STK35: variants seen among roughly 807,000 people sequenced by gnomAD.
STK35 encodes the protein serine/threonine kinase 35, also known as serine/threonine-protein kinase 35.
STK35 carries 17 observed loss-of-function variants against 37.3 expected under a neutral mutation model. The observed-to-expected ratio is 0.46, with a 90% confidence interval of 0.31 to 0.68. The LOEUF (loss-of-function observed/expected upper bound fraction) is 0.68. Among genes scored for constraint, STK35 ranks in the 30% least tolerant of loss-of-function variants. STK35 has a pLI of 0.05. For synonymous variants in STK35, 385 were observed against 319.1 expected, an observed-to-expected ratio of 1.21 and a Z score of -2.20; for missense variants, 595 against 746.7, an observed-to-expected ratio of 0.80 and a Z score of 2.37.
chr20:2,115,851 G>C (rs1248532514), intron 2 of STK35, among the ~76,000 whole-genome samples: 1 of 151,972 alleles, frequency 6.6e-6, no homozygotes, highest in Non-Finnish European at 1.5e-5. Flanking sequence ...TACAGGGTAA[G>C]TTCAGTCCTG....
chr20:2,118,062 C>T (rs1311871982), intron 3 of STK35, among the ~76,000 whole-genome samples: 1 of 152,136 alleles, frequency 6.6e-6, no homozygotes, highest in Non-Finnish European at 1.5e-5. Flanking sequence ...TAAACACTAT[C>T]TCTGATTGTA....
Position 2,144,428 on chromosome 20 carries a change from A to C in STK35, c.*682A>C. ...GGCCAGGAGAACTAAGAAGGTCTCA[A>C]CTCCAGGCTTTGTTGTGTTTAAGCT... On this transcript the variant is annotated 3_prime_UTR_variant, in exon 4 of 4. Coordinates refer to ENST00000381482, the MANE Select transcript of STK35 (RefSeq NM_080836.4). The C allele has an allele frequency of 6.4e-6, 1 of 157,064 alleles. No individual in the cohort carries two copies. The highest frequency in any genetic ancestry group is 1.4e-5 in the Non-Finnish European group (1 of 70,766). The allele number at this position is 157,064 out of a possible 1,614,324, so 9.7% of individuals were successfully genotyped here.
intron 2 of STK35, among the ~76,000 whole-genome samples, chr20:2,105,987 G>A (rs1431953607): frequency 2.0e-5 from 3 of 152,140 alleles, no homozygotes. Context: ...GAACCTCTAC[G>A]GTGTTCAGGG....
At chr20:2,111,831 C>T (rs991037941) in intron 2 of STK35, among the ~76,000 whole-genome samples, 15 of 152,340 alleles carry the variant, frequency 9.8e-5, no homozygotes, top group African/African-American at 3.4e-4. Context: ...ATCCAGACTA[C>T]TCGTGTCCCT....
Position 2,116,901 on chromosome 20 carries a change from C to T in STK35, c.1128C>T (p.Ile376=), listed in dbSNP as rs1440272706. 9.9e-6 allele frequency: 16 copies of T among 1,614,166 alleles called. No homozygotes were observed. The highest frequency in any genetic ancestry group is 1.6e-4 in the Middle Eastern group (1 of 6,062). Residue 376 remains isoleucine, a synonymous_variant, in exon 3 of 4, where the codon ATC becomes ATT. Coordinates refer to ENST00000381482, the MANE Select transcript of STK35 (RefSeq NM_080836.4). ...ILITERSGTP[I]LKVADFGLSK... is the part of the protein sequence containing the mutation. ...TCACAGAGCGGTCTGGCACCCCCAT[C>T]CTCAAAGTGGCCGACTTTGGACTAA... is the stretch of plus-strand genomic sequence containing the variant.
intron 3 of STK35, among the ~76,000 whole-genome samples, chr20:2,141,359 G>A (rs17717569): frequency 0.032 from 4,797 of 152,214 alleles, 98 homozygotes; most frequent in Middle Eastern, 0.045. Context: ...CTGGGCCCGA[G>A]AAATCCTGTA....
At chr20:2,103,416 C>T in intron 2 of STK35, 51 bp downstream of exon 2, 1 of 1,542,968 alleles carries the variant, frequency 6.5e-7, no homozygotes. Flanking sequence ...ACCCCCTGCT[C>T]TCCGGACGGC....
In STK35 at chr20:2,146,004, AGTAGCAAGAAACAGCACCCCT is replaced by A. The variant is rs1459776770; in HGVS notation, c.*2263_*2283del. ...CCTTTGTTATTTTTCTTGCTATCAG[AGTAGCAAGAAACAGCACCCCT>A]GTAGGTGACAGGTGGGCAGCCTGGT... is the stretch of plus-strand genomic sequence containing the variant. On this transcript the variant is annotated 3_prime_UTR_variant, in exon 4 of 4. Coordinates refer to ENST00000381482, the MANE Select transcript of STK35 (RefSeq NM_080836.4). 6.6e-6 allele frequency: 1 copy of A among 152,138 alleles called. No individual in the cohort carries two copies. The highest frequency in any genetic ancestry group is 1.5e-5 in the Non-Finnish European group (1 of 68,004). 9.4% of individuals were successfully genotyped at this position (152,138 alleles called of 1,614,324 possible). A position where few individuals can be genotyped will look rare whatever the true frequency, so the allele number is the denominator to read the frequency against.
chr20:2,112,584 C>T (rs1000996550), intron 2 of STK35, among the ~76,000 whole-genome samples: 1 of 152,166 alleles, frequency 6.6e-6, no homozygotes, highest in Non-Finnish European at 1.5e-5. Context: ...CTCCTATCCC[C>T]CCCAGTTACT....
intron 3 of STK35, among the ~76,000 whole-genome samples, chr20:2,133,953 C>T (rs1225668638): frequency 1.3e-5 from 2 of 152,082 alleles, no homozygotes; most frequent in African/African-American, 4.8e-5. Flanking sequence ...GTAAGTCATA[C>T]CCTGCTGACT....
intron 2 of STK35, among the ~76,000 whole-genome samples, chr20:2,107,901 CAG>C: frequency 6.6e-6 from 1 of 152,292 alleles, no homozygotes; most frequent in East Asian, 1.9e-4. Flanking sequence ...ATGCTAGACT[CAG>C]AGTCAGAAGG....
At chr20:2,122,688 G>GGTT (rs1985840279) in intron 3 of STK35, among the ~76,000 whole-genome samples, 1 of 152,178 alleles carries the variant, frequency 6.6e-6, no homozygotes, top group Non-Finnish European at 1.5e-5. Context: ...AATCACAAGA[G>GGTT]GTTGTGAAAG....
chr20:2,107,018 G>T (rs1258327776), intron 2 of STK35, among the ~76,000 whole-genome samples: 1 of 152,204 alleles, frequency 6.6e-6, no homozygotes. Flanking sequence ...TTGGTTGAAG[G>T]GTTGGTGCCT....
chr20:2,102,246 G>A, intron 1 of STK35, 71 bp downstream of exon 1: 1 of 1,384,922 alleles, frequency 7.2e-7, no homozygotes, highest in Non-Finnish European at 9.3e-7. Context: ...CCGCGCTTGG[G>A]AAGGGAAATC....
chr20:2,127,257 T>G (rs1314186489), intron 3 of STK35, among the ~76,000 whole-genome samples: 6 of 141,746 alleles, frequency 4.2e-5, no homozygotes, highest in African/African-American at 1.0e-4. Context: ...CACCCCTTTG[T>G]TTTTTTTTTT....
chr20:2,129,671 A>G (rs916911878), intron 3 of STK35, among the ~76,000 whole-genome samples: 4 of 152,198 alleles, frequency 2.6e-5, no homozygotes, highest in Non-Finnish European at 4.4e-5. Flanking sequence ...GTGTCATACG[A>G]GAGTACCATA....
Position 2,101,873 on chromosome 20 carries a change from T to TC in STK35, c.-6dup. ...CGGTGCAGGGCTCACTCGGCTGGCGTCCCGGGGGATGGGCCACCAGGAGTC... is the reference window on the plus strand; with the variant it reads ...CGGTGCAGGGCTCACTCGGCTGGCGTCCCCGGGGGATGGGCCACCAGGAGTC... On this transcript the variant is annotated 5_prime_UTR_variant, in exon 1 of 4. Transcript: ENST00000381482. 7.1e-7 allele frequency: 1 copy of TC among 1,413,326 alleles called. No individual in the cohort carries two copies. Among genetic ancestry groups the TC allele is most frequent in the Non-Finnish European group, 9.2e-7 (1 of 1,081,116 alleles). The allele number at this position is 1,413,326 out of a possible 1,614,324, so 87.5% of individuals were successfully genotyped here. A position where few individuals can be genotyped will look rare whatever the true frequency, so the allele number is the denominator to read the frequency against.
intron 3 of STK35, among the ~76,000 whole-genome samples, chr20:2,136,374 A>T (rs1291551156): frequency 6.6e-6 from 1 of 152,196 alleles, no homozygotes. Flanking sequence ...TGAAGGTGTG[A>T]GAGAGGGGAG....
chr20:2,102,332 G>C (rs903759984), intron 1 of STK35, among the ~76,000 whole-genome samples, 157 bp downstream of exon 1: 7 of 152,188 alleles, frequency 4.6e-5, no homozygotes. Context: ...TCGGGGACTT[G>C]GGTCGGTCCG....
Sources: allele counts gnomAD v4.1 joint callset (sites outside exome capture counted in the v4.1 genomes callset), GRCh38; gene constraint gnomAD v4.1.1; transcripts MANE v1.5; gene names NCBI Gene and HGNC (gene_info 2026-07-23, HGNC 2026-07-21).